Variants in COL11A1 observed in about 807,000 individuals in gnomAD.
COL11A1 encodes collagen alpha-1(XI) chain.
COL11A1 carries 74 observed loss-of-function variants against 265.2 expected under a neutral mutation model. The ratio of observed to expected loss-of-function variants is 0.28; its 90% confidence interval spans 0.23 to 0.34. The LOEUF (loss-of-function observed/expected upper bound fraction) is 0.34, where lower values mean the gene tolerates loss of function less well. COL11A1 is among the 10% of genes least tolerant of loss of function. The pLI is 1.00. For synonymous variants in COL11A1, 816 were observed against 727.6 expected, an observed-to-expected ratio of 1.12 and a Z score of -1.96; for missense variants, 2,165 against 2,263.6, an observed-to-expected ratio of 0.96 and a Z score of 0.88.
chr1:103,049,891 T>A (rs183434154), intron 4 of COL11A1, among the ~76,000 whole-genome samples: 5 of 152,362 alleles, frequency 3.3e-5, no homozygotes, highest in Admixed American at 2.6e-4. Context: ...AATCCTGGGC[T>A]GAAAATTCTT....
chr1:102,921,411 T>C, intron 48 of COL11A1, 107 bp downstream of exon 48: 3 of 899,674 alleles, frequency 3.3e-6, no homozygotes, highest in Admixed American at 2.2e-5. Flanking sequence ...AACCACTTAA[T>C]ATTAAACAAT....
intron 54 of COL11A1, among the ~76,000 whole-genome samples, chr1:102,902,934 C>A (rs1220668122): frequency 3.3e-5 from 5 of 151,624 alleles, no homozygotes; most frequent in African/African-American, 9.7e-5. Flanking sequence ...GTTAAAACTT[C>A]ATCTGTCATT....
intron 35 of COL11A1, among the ~76,000 whole-genome samples, chr1:102,977,949 G>A (rs575542698): frequency 1.1e-4 from 17 of 152,084 alleles, no homozygotes; most frequent in African/African-American, 3.9e-4. Context: ...GTTATGCATT[G>A]CAAGGTATTT....
intron 52 of COL11A1, 88 bp downstream of exon 52, chr1:102,914,264 G>C: frequency 9.7e-7 from 1 of 1,026,330 alleles, no homozygotes; most frequent in South Asian, 1.4e-5. Context: ...GTTCACTTAG[G>C]TTATTAGATT....
intron 57 of COL11A1, among the ~76,000 whole-genome samples, chr1:102,894,238 T>C (rs1652110455): frequency 6.6e-6 from 1 of 152,116 alleles, no homozygotes. Context: ...TTCTTCTCTT[T>C]AAAACACTCA....
At chr1:103,060,301 C>T (rs1670571447) in intron 4 of COL11A1, among the ~76,000 whole-genome samples, 1 of 152,010 alleles carries the variant, frequency 6.6e-6, no homozygotes, top group African/African-American at 2.4e-5. Flanking sequence ...CTCAGACAAA[C>T]AAAAATTGAG....
intron 37 of COL11A1, among the ~76,000 whole-genome samples, chr1:102,966,522 C>A (rs1393831242): frequency 6.6e-6 from 1 of 152,034 alleles, no homozygotes; most frequent in Non-Finnish European, 1.5e-5. Flanking sequence ...AAATAGAGTT[C>A]TATTTTAAAA....
chr1:103,063,381 G>T (rs1438406853), intron 4 of COL11A1, among the ~76,000 whole-genome samples: 17 of 152,022 alleles, frequency 1.1e-4, no homozygotes, highest in African/African-American at 2.4e-4. Context: ...TAGATCAATG[G>T]AATAGAATAA....
Position 102,876,527 on chromosome 1 carries a change from T to G in COL11A1, c.*1492A>C, listed in dbSNP as rs1649524644. 1 of 152,526 alleles carries G rather than the reference T, an allele frequency of 6.6e-6. No homozygotes were observed. The highest frequency in any genetic ancestry group is 2.1e-4 in the South Asian group (1 of 4,838). 9.4% of individuals were successfully genotyped at this position (152,526 alleles called of 1,614,324 possible). A position where few individuals can be genotyped will look rare whatever the true frequency, so the allele number is the denominator to read the frequency against. On this transcript the variant is annotated 3_prime_UTR_variant, in exon 67 of 67. Coordinates refer to ENST00000370096, the MANE Select transcript of COL11A1 (RefSeq NM_001854.4). Reference sequence around the variant, plus strand: ...TCATATCTCCCTTCTTAAAAGGACATTTACAAACTCGATTTCAAAAATAAA... The same window carrying G: ...TCATATCTCCCTTCTTAAAAGGACAGTTACAAACTCGATTTCAAAAATAAA...
At chr1:102,884,866 A>T (rs1650763120) in intron 63 of COL11A1, among the ~76,000 whole-genome samples, 2 of 152,176 alleles carry the variant, frequency 1.3e-5, no homozygotes, top group Admixed American at 1.3e-4. Context: ...ACTTTTTAAT[A>T]AACTTTCACT....
intron 3 of COL11A1, among the ~76,000 whole-genome samples, chr1:103,075,327 G>C (rs1671892141): frequency 6.6e-6 from 1 of 152,094 alleles, no homozygotes; most frequent in Non-Finnish European, 1.5e-5. Flanking sequence ...TTTATTTCAA[G>C]TGCTTTCATT....
chr1:102,962,908 C>G (rs1661059559), intron 38 of COL11A1, 148 bp from the exon 39 acceptor site: 1 of 706,376 alleles, frequency 1.4e-6, no homozygotes, highest in Non-Finnish European at 2.5e-6. Context: ...ACATAAAGCA[C>G]TGAAAGTAGC....
intron 65 of COL11A1, 84 bp from the exon 66 acceptor site, chr1:102,880,000 C>T: frequency 1.5e-5 from 13 of 895,644 alleles, no homozygotes; most frequent in Non-Finnish European, 1.8e-5. Context: ...AGACAGTGAA[C>T]TGTGATGCCA....
At chr1:103,017,739 GT>G in intron 11 of COL11A1, 80 bp downstream of exon 11, 1 of 1,227,294 alleles carries the variant, frequency 8.1e-7, no homozygotes, top group Non-Finnish European at 1.2e-6. Flanking sequence ...AAGATAACAT[GT>G]TATACTTGTA....
At chr1:103,041,026 A>C (rs1462315740) in intron 4 of COL11A1, among the ~76,000 whole-genome samples, 1 of 151,814 alleles carries the variant, frequency 6.6e-6, no homozygotes, top group Non-Finnish European at 1.5e-5. Context: ...TTTTGAATTG[A>C]CACATAATGA....
intron 41 of COL11A1, among the ~76,000 whole-genome samples, chr1:102,955,322 G>T (rs1461747938): frequency 6.6e-6 from 1 of 152,114 alleles, no homozygotes; most frequent in Non-Finnish European, 1.5e-5. Context: ...AGCAAGAGAA[G>T]AAGAAGAAAT....
chr1:103,003,510 T>TG (rs1300173230), intron 20 of COL11A1, among the ~76,000 whole-genome samples: 1 of 152,198 alleles, frequency 6.6e-6, no homozygotes. Context: ...ATATTACATA[T>TG]GAATCACTTG....
At chr1:102,944,036 A>G (rs1659012196) in intron 42 of COL11A1, among the ~76,000 whole-genome samples, 1 of 152,110 alleles carries the variant, frequency 6.6e-6, no homozygotes, top group African/African-American at 2.4e-5. Context: ...ACTGATTAAT[A>G]ATATAGGGAT....
Position 103,031,109 on chromosome 1 carries a change from T to C in COL11A1, c.780+7A>G, listed in dbSNP as rs775672775. On this transcript the variant is annotated splice_region_variant and intron_variant, in intron 5 of 66. Transcript: ENST00000370096. ...ACGAAGACCTTCTCTGGTCTTGTGC[T>C]CCTCACCTCATCTATCTGAGGTTCC... 5 of 1,613,398 alleles carry C rather than the reference T, an allele frequency of 3.1e-6. No homozygotes were observed. Among genetic ancestry groups the C allele is most frequent in the South Asian group, 2.2e-5 (2 of 91,076 alleles).
Sources: gnomAD v4.1 joint callset for allele counts (sites outside exome capture counted in the v4.1 genomes callset) on GRCh38, gnomAD v4.1.1 for gene constraint, MANE v1.5 for transcripts, NCBI Gene and HGNC (gene_info 2026-07-23, HGNC 2026-07-21) for gene names.